Variants in MEGF11 observed in about 807,000 individuals in gnomAD.
MEGF11 encodes the protein multiple epidermal growth factor-like domains protein 11.
In MEGF11, 126 loss-of-function variants were observed where a neutral mutation model predicts 146.6. The ratio of observed to expected loss-of-function variants is 0.86; its 90% CI spans 0.74 to 1.00. The LOEUF (loss-of-function observed/expected upper bound fraction) is 1.00, where lower values mean the gene tolerates loss of function less well. Among genes scored for constraint, MEGF11 ranks in the 50% least tolerant of loss-of-function variants. The pLI is 0.00. For synonymous variants in MEGF11, 532 were observed against 583.4 expected, an observed-to-expected ratio of 0.91 and a Z score of 1.27; for missense variants, 1,509 against 1,521.2, an observed-to-expected ratio of 0.99 and a Z score of 0.13.
intron 10 of MEGF11, among the ~76,000 whole-genome samples, chr15:65,946,640 A>C (rs561977976): frequency 6.6e-6 from 1 of 152,234 alleles, no homozygotes; most frequent in South Asian, 2.1e-4. Context: ...TGATCCACCC[A>C]CTTCGGCCTC....
intron 1 of MEGF11, among the ~76,000 whole-genome samples, chr15:66,151,597 C>G (rs950993706): frequency 1.3e-5 from 2 of 152,204 alleles, no homozygotes; most frequent in Admixed American, 6.5e-5. Flanking sequence ...ATCCCAGTCT[C>G]CTGATCTTCT....
rs775587002 is a variant in MEGF11 at position 65,922,991 on chromosome 15, G to A, written c.1676-22C>T. ...ATGCCTGTGGGCCAGAGGCAGACTCGGGTCAGTGGTAAGAGAGGTGAGGAT... is the reference window on the plus strand; with the variant it reads ...ATGCCTGTGGGCCAGAGGCAGACTCAGGTCAGTGGTAAGAGAGGTGAGGAT... On this transcript the variant is annotated intron_variant, in intron 13 of 25. Transcript: ENST00000395614. 20 of 1,609,330 alleles carry A rather than the reference G, an allele frequency of 1.2e-5. No homozygotes were observed. In the South Asian group the frequency reaches 1.8e-4, roughly 14 times the overall value.
chr15:66,220,465 C>T (rs2091704696), intron 1 of MEGF11, among the ~76,000 whole-genome samples: 1 of 150,422 alleles, frequency 6.6e-6, no homozygotes, highest in African/African-American at 2.4e-5. Flanking sequence ...TCTGTGGTTG[C>T]CAGGGGAGGA....
intron 15 of MEGF11, among the ~76,000 whole-genome samples, chr15:65,920,994 T>C (rs548238091): frequency 1.9e-4 from 29 of 152,214 alleles, no homozygotes; most frequent in Non-Finnish European, 3.7e-4. Context: ...CATGTCAGGT[T>C]ATGATTAAAC....
Position 65,930,905 on chromosome 15 carries a change from A to G in MEGF11, c.1326T>C (p.Tyr442=). The change falls in exon 11 of 26, where the codon TAT becomes TAC. Residue 442 remains tyrosine (Y), a synonymous_variant. Coordinates refer to ENST00000395614, the MANE Select transcript of MEGF11 (RefSeq NM_001385028.1). ...TACAGATGGACGAGCAGTTGGGGCC[A>G]TAGGTCCCTGCTGCACAGGAAACGG... ...VCAVSCAAGT[Y]GPNCSSICSC... is the part of the protein sequence containing the mutation. 2 of 1,611,286 alleles carry G rather than the reference A, an allele frequency of 1.2e-6. No homozygotes were observed. Among genetic ancestry groups the G allele is most frequent in the South Asian group, 1.1e-5 (1 of 90,582 alleles).
intron 5 of MEGF11, among the ~76,000 whole-genome samples, chr15:65,997,238 CA>C (rs2082227145): frequency 6.6e-6 from 1 of 152,144 alleles, no homozygotes; most frequent in Non-Finnish European, 1.5e-5. Flanking sequence ...GAGTTATTAT[CA>C]AAGGATGGGA....
At position 66,243,856 on chromosome 15, in the gene MEGF11, G is replaced by A. The variant is rs980083151; in HGVS notation, c.-9+9749C>T. 3.3e-5 allele frequency among the ~76,000 whole-genome samples: 5 copies of A among 152,122 alleles called. 1 individual carries two copies. The highest frequency in any genetic ancestry group is 4.8e-5 in the African/African-American group (2 of 41,488). On this transcript the variant is annotated intron_variant, in intron 1 of 25. Coordinates refer to ENST00000395614, the MANE Select transcript of MEGF11 (RefSeq NM_001385028.1). ...TACACAGGGGTAAGTCACCTCTACCGACCTGCAGAATCAATTCCAGAACAG... is the reference window on the plus strand; with the variant it reads ...TACACAGGGGTAAGTCACCTCTACCAACCTGCAGAATCAATTCCAGAACAG...
Position 66,205,172 on chromosome 15 carries a change from G to A in MEGF11, c.-9+48433C>T, listed in dbSNP as rs566298656. ...TAATAGCCACTCAGTCAGACACAGT[G>A]GCTCATGCCTGGAGTTCCAGCTCTT... On this transcript the variant is annotated intron_variant, in intron 1 of 25. Coordinates refer to ENST00000395614, the MANE Select transcript of MEGF11 (RefSeq NM_001385028.1). Among the ~76,000 whole-genome samples the A allele has an allele frequency of 6.6e-5, 10 of 152,190 alleles. No individual in the cohort carries two copies. In the South Asian group the frequency reaches 1.9e-3, roughly 29 times the overall value.
At chr15:66,083,321 T>C (rs996955470) in intron 5 of MEGF11, among the ~76,000 whole-genome samples, 8 of 152,390 alleles carry the variant, frequency 5.2e-5, no homozygotes, top group South Asian at 2.1e-4. Flanking sequence ...AGGAAATGTT[T>C]AAATTATCAG....
At position 66,237,793 on chromosome 15, in the gene MEGF11, C is replaced by A. The variant is rs1597169239; in HGVS notation, c.-9+15812G>T. On this transcript the variant is annotated intron_variant, in intron 1 of 25. Transcript: ENST00000395614. ...CATGGATGGCCAGGAGAGGACCACT[C>A]CTGAATGATAAGTGAACCAATAAAT... is the stretch of plus-strand genomic sequence containing the variant. Among the ~76,000 whole-genome samples the A allele has an allele frequency of 2.0e-5, 3 of 152,274 alleles. No homozygotes were observed. In the South Asian group the frequency reaches 6.2e-4, roughly 32 times the overall value.
At chr15:66,124,095 G>A in intron 2 of MEGF11, 95 bp from the exon 3 acceptor site, 1 of 973,794 alleles carries the variant, frequency 1.0e-6, no homozygotes, top group Non-Finnish European at 1.6e-6. Context: ...CTGAGGCCAA[G>A]CTCCACAGCC....
intron 5 of MEGF11, among the ~76,000 whole-genome samples, chr15:66,068,739 G>A (rs1190268921): frequency 6.6e-6 from 1 of 152,200 alleles, no homozygotes; most frequent in Non-Finnish European, 1.5e-5. Context: ...TTCTTCAGGT[G>A]ACTGAATCAG....
intron 1 of MEGF11, among the ~76,000 whole-genome samples, chr15:66,227,854 A>G (rs2091885943): frequency 6.6e-6 from 1 of 152,176 alleles, no homozygotes; most frequent in Non-Finnish European, 1.5e-5. Flanking sequence ...TGCTTCAGAT[A>G]CCATCTTCTA....
At chr15:66,014,927 A>C (rs2082833888) in intron 5 of MEGF11, among the ~76,000 whole-genome samples, 1 of 151,864 alleles carries the variant, frequency 6.6e-6, no homozygotes, top group Non-Finnish European at 1.5e-5. Context: ...TAACCTAGTC[A>C]GGGATGTGCT....
chr15:66,126,060 A>G (rs990549842), intron 2 of MEGF11, among the ~76,000 whole-genome samples: 1 of 152,168 alleles, frequency 6.6e-6, no homozygotes, highest in Non-Finnish European at 1.5e-5. Context: ...CATGCTAATG[A>G]GGGGCCAGAT....
chr15:66,124,485 G>C (rs4776736), intron 2 of MEGF11, among the ~76,000 whole-genome samples: 69,171 of 152,080 alleles, frequency 0.45, 16,671 homozygotes, highest in South Asian at 0.64. Flanking sequence ...TCACACTGCA[G>C]TATCAATAGG....
intron 1 of MEGF11, among the ~76,000 whole-genome samples, chr15:66,167,555 G>A (rs2090130420): frequency 6.6e-6 from 1 of 152,216 alleles, no homozygotes; most frequent in South Asian, 2.1e-4. Context: ...TGAGGCAGGA[G>A]AATCGCTTGA....
intron 16 of MEGF11, 112 bp from the exon 17 acceptor site, chr15:65,917,068 G>A: frequency 8.4e-7 from 1 of 1,195,936 alleles, no homozygotes; most frequent in Non-Finnish European, 1.1e-6. Context: ...GGACCTGGCT[G>A]ACATTTCCTG....
At chr15:66,216,679 G>T (rs774644993) in intron 1 of MEGF11, among the ~76,000 whole-genome samples, 16 of 152,190 alleles carry the variant, frequency 1.1e-4, no homozygotes, top group Non-Finnish European at 1.8e-4. Context: ...CTGACAGTCA[G>T]AAGTACAGAA....
Sources: gnomAD v4.1 joint callset for allele counts (sites outside exome capture counted in the v4.1 genomes callset) on GRCh38, gnomAD v4.1.1 for gene constraint, MANE v1.5 for transcripts, NCBI Gene and HGNC (gene_info 2026-07-23, HGNC 2026-07-21) for gene names.